PPP1CC: variants seen among roughly 807,000 people sequenced by gnomAD.
The protein encoded by PPP1CC is protein phosphatase 1 catalytic subunit gamma.
A neutral mutation model predicts 38.4 loss-of-function variants in PPP1CC; 16 were observed. The ratio of observed to expected loss-of-function variants is 0.42; its 90% CI spans 0.28 to 0.63. The LOEUF is 0.63. PPP1CC is among the 30% of genes least tolerant of loss of function. The pLI is 0.25. For missense variants in PPP1CC, 170 were observed against 391.3 expected (o/e 0.43, Z 4.77); for synonymous variants, 158 against 136.0 (o/e 1.16, Z -1.13).
intron 1 of PPP1CC, among the ~76,000 whole-genome samples, chr12:110,741,887 G>A (rs768371681): frequency 9.9e-5 from 15 of 152,106 alleles, no homozygotes; most frequent in Admixed American, 6.6e-4. Context: ...CACAGTAAGC[G>A]CTTTAGAAGC....
At chr12:110,739,321 A>C (rs1451675699) in intron 1 of PPP1CC, among the ~76,000 whole-genome samples, 1 of 152,142 alleles carries the variant, frequency 6.6e-6, no homozygotes, top group Non-Finnish European at 1.5e-5. Flanking sequence ...AATAAAATAA[A>C]AAAATAAATA....
At chr12:110,710,895 G>A in the PPP1CC span, among the ~76,000 whole-genome samples, 51 of 151,948 alleles carry the variant, frequency 3.4e-4, no homozygotes, top group South Asian at 2.1e-4. Context: ...TGTTTAGGCC[G>A]GGCAGGATGG....
rs2069732741 is a variant in PPP1CC, at chr12:110,721,024, A to T, written c.*52T>A. On this transcript the variant is annotated 3_prime_UTR_variant, in exon 7 of 7. Transcript: ENST00000335007. ...GTACACATTACAGTCTTAAAAATGAAGGTTATATACTCTATGTTACAAGTC... is the reference window on the plus strand; with the variant it reads ...GTACACATTACAGTCTTAAAAATGATGGTTATATACTCTATGTTACAAGTC... 1 of 1,500,754 alleles carries T rather than the reference A, an allele frequency of 6.7e-7. No individual in the cohort carries two copies. The highest frequency in any genetic ancestry group is 9.3e-7 in the Non-Finnish European group (1 of 1,079,088). The allele number at this position is 1,500,754 out of a possible 1,614,324, so 93.0% of individuals were successfully genotyped here. A position where few individuals can be genotyped will look rare whatever the true frequency, so the allele number is the denominator to read the frequency against.
chr12:110,715,947 G>A (rs2069683772), downstream of PPP1CC, among the ~76,000 whole-genome samples: 1 of 152,154 alleles, frequency 6.6e-6, no homozygotes. Flanking sequence ...AGCACCACCT[G>A]TCGCTTTATT....
the PPP1CC span, among the ~76,000 whole-genome samples, chr12:110,712,374 T>C: frequency 6.6e-6 from 1 of 151,746 alleles, no homozygotes; most frequent in African/African-American, 2.4e-5. Context: ...GCGTGGTGGT[T>C]CATGCATGTC....
At chr12:110,711,511 GTA>G in the PPP1CC span, among the ~76,000 whole-genome samples, 2 of 152,178 alleles carry the variant, frequency 1.3e-5, no homozygotes, top group African/African-American at 4.8e-5. Context: ...AGATGGGTAA[GTA>G]TGTAACTGGG....
At chr12:110,715,479 CCTGG>C (rs1280915029), downstream of PPP1CC, among the ~76,000 whole-genome samples, 3 of 151,876 alleles carry the variant, frequency 2.0e-5, no homozygotes, top group East Asian at 5.8e-4. Context: ...CACCACCATG[CCTGG>C]CTAATTTTTT....
rs376499315 is a variant in PPP1CC at position 110,721,581 on chromosome 12, G to A, written c.883-416C>T. On this transcript the variant is annotated intron_variant, in intron 6 of 6. Transcript: ENST00000335007. ...AAAAACTATTTTAATTCATTTAACTGATGAGTGCCACATGATTTGGTGGCT... is the reference window on the plus strand; with the variant it reads ...AAAAACTATTTTAATTCATTTAACTAATGAGTGCCACATGATTTGGTGGCT... 8.7e-5 allele frequency: 15 copies of A among 171,500 alleles called. No homozygotes were observed. The East Asian group carries it at 2.3e-3, about 26-fold the overall frequency. The allele number at this position is 171,500 out of a possible 1,614,324, so 10.6% of individuals were successfully genotyped here.
At chr12:110,733,392 C>G (rs1338502142) in intron 1 of PPP1CC, among the ~76,000 whole-genome samples, 1 of 152,174 alleles carries the variant, frequency 6.6e-6, no homozygotes, top group Non-Finnish European at 1.5e-5. Flanking sequence ...CGATAAATAG[C>G]TCATACCATA....
downstream of PPP1CC, among the ~76,000 whole-genome samples, chr12:110,714,693 C>T (rs938071457): frequency 6.7e-6 from 1 of 149,792 alleles, no homozygotes; most frequent in African/African-American, 2.5e-5. Context: ...GTAATCCCAG[C>T]TACTTGGGAG....
At chr12:110,734,346 ATATT>A (rs1192557573) in intron 1 of PPP1CC, among the ~76,000 whole-genome samples, 5 of 152,076 alleles carry the variant, frequency 3.3e-5, no homozygotes, top group African/African-American at 1.2e-4. Context: ...TCCAGACTAT[ATATT>A]TATTTATTTA....
chr12:110,714,317 G>A, the PPP1CC span, among the ~76,000 whole-genome samples: 2 of 152,204 alleles, frequency 1.3e-5, no homozygotes, highest in Admixed American at 6.5e-5. Context: ...CCCTAGAACA[G>A]TGAGAGGAAC....
the PPP1CC span, among the ~76,000 whole-genome samples, chr12:110,711,479 G>A: frequency 9.6e-4 from 146 of 152,266 alleles, no homozygotes; most frequent in Non-Finnish European, 1.7e-3. Context: ...TCAAATTCAA[G>A]ATCATGGTTA....
At chr12:110,732,087 A>G (rs1230162815) in intron 1 of PPP1CC, 186 bp from the exon 2 acceptor site, 3 of 625,330 alleles carry the variant, frequency 4.8e-6, no homozygotes, top group African/African-American at 1.8e-5. Context: ...ACTTAATTGC[A>G]TCTTCGATAC....
At chr12:110,718,366 C>T (rs1226210782), downstream of PPP1CC, among the ~76,000 whole-genome samples, 2 of 152,098 alleles carry the variant, frequency 1.3e-5, no homozygotes, top group Admixed American at 1.3e-4. Flanking sequence ...GAATACTTGA[C>T]AAAAACAAAA....
At chr12:110,724,982 G>C (rs971306563) in intron 3 of PPP1CC, 5 of 327,454 alleles carry the variant, frequency 1.5e-5, no homozygotes, top group East Asian at 1.4e-4. Flanking sequence ...CCAGCACTTC[G>C]GGAGGCTGAG....
At position 110,735,689 on chromosome 12, in the gene PPP1CC, C is replaced by T. The variant is rs151213638; in HGVS notation, c.56-3788G>A. ...CCCAGCTACACAGGAGGCTGAGGCA[C>T]GAGAATCACTTGAACCTGGGAGGTG... On this transcript the variant is annotated intron_variant, in intron 1 of 6. Transcript: ENST00000335007. Among the ~76,000 whole-genome samples the T allele has an allele frequency of 7.0e-3, 1,047 of 149,456 alleles. 1 individual carries two copies. The highest frequency in any genetic ancestry group is 9.4e-3 in the Non-Finnish European group (635 of 67,324).
Position 110,722,553 on chromosome 12 carries a change from TCCTCTGTCATTTTCACCC to T in PPP1CC, c.648_665del (p.Trp216_Gly222delinsTer). On this transcript the variant is annotated stop_gained and inframe_deletion, in exon 5 of 7. Coordinates refer to ENST00000335007, the MANE Select transcript of PPP1CC (RefSeq NM_002710.4). LOFTEE classifies it high-confidence loss of function. The surrounding 1 kb of genome is among the most constrained non-coding windows in gnomAD (Gnocchi z 5.4). ...CTTCTGCACCAAATGTGAAGGACAC[TCCTCTGTCATTTTCACCC>T]CAGCCTAAGACATCTTTATCGGGGT... 1.2e-6 allele frequency: 2 copies of T among 1,614,188 alleles called. No homozygotes were observed. Among genetic ancestry groups the T allele is most frequent in the Non-Finnish European group, 1.7e-6 (2 of 1,180,038 alleles).
chr12:110,741,135 T>A (rs1385635942), intron 1 of PPP1CC, among the ~76,000 whole-genome samples: 2 of 152,138 alleles, frequency 1.3e-5, no homozygotes, highest in Non-Finnish European at 2.9e-5. Context: ...GGTTTTCACC[T>A]GCAATAACAT....
Sources: gnomAD v4.1 joint callset for allele counts (sites outside exome capture counted in the v4.1 genomes callset) on GRCh38, gnomAD v4.1.1 for gene constraint, Gnocchi (gnomAD v3.1) non-coding constraint, MANE v1.5 for transcripts, NCBI Gene and HGNC (gene_info 2026-07-23, HGNC 2026-07-21) for gene names.